GRHL2: variants seen among roughly 807,000 people sequenced by gnomAD.
GRHL2 encodes the protein grainyhead like transcription factor 2.
A neutral mutation model predicts 83.8 loss-of-function variants in GRHL2; 21 were observed. The observed-to-expected ratio is 0.25, with a 90% CI of 0.18 to 0.36. The LOEUF (loss-of-function observed/expected upper bound fraction) is 0.36, where lower values mean the gene tolerates loss of function less well. GRHL2 is among the 10% of genes least tolerant of loss of function. The pLI is 1.00. For synonymous variants in GRHL2, 280 were observed against 278.9 expected (o/e 1.00, Z -0.04); for missense variants, 623 against 781.8 (o/e 0.80, Z 2.42).
chr8:101,539,592 A>G (rs1035214068), intron 1 of GRHL2, among the ~76,000 whole-genome samples: 1 of 152,324 alleles, frequency 6.6e-6, no homozygotes, highest in Non-Finnish European at 1.5e-5. Flanking sequence ...CCAACCCTGC[A>G]TATTTAGAAG....
intron 1 of GRHL2, among the ~76,000 whole-genome samples, chr8:101,525,842 T>C (rs566492129): frequency 2.6e-5 from 4 of 152,244 alleles, no homozygotes; most frequent in African/African-American, 9.6e-5. Context: ...TGGTGGCACA[T>C]GTCTGTAATC....
At chr8:101,597,709 T>C (rs1812420239) in intron 7 of GRHL2, among the ~76,000 whole-genome samples, 1 of 150,808 alleles carries the variant, frequency 6.6e-6, no homozygotes. Context: ...AGGGAGAACA[T>C]TAGGAGATAT....
chr8:101,612,336 A>C (rs573449405), intron 8 of GRHL2, among the ~76,000 whole-genome samples: 1 of 150,904 alleles, frequency 6.6e-6, no homozygotes, highest in South Asian at 2.1e-4. Context: ...TATTCAATTT[A>C]ATATCTAATT....
chr8:101,674,430 C>G (rs953010236), downstream of GRHL2, among the ~76,000 whole-genome samples: 2 of 152,104 alleles, frequency 1.3e-5, no homozygotes, highest in South Asian at 4.2e-4. Context: ...CTACAAACAC[C>G]TCTACGCAAA....
intron 1 of GRHL2, chr8:101,529,594 C>T (rs1278683666): frequency 1.8e-5 from 4 of 224,284 alleles, no homozygotes; most frequent in African/African-American, 9.3e-5. Context: ...TCCAGTAGGC[C>T]CCCACCCACT....
At chr8:101,661,574 A>ATTGT (rs1157330673) in intron 14 of GRHL2, among the ~76,000 whole-genome samples, 3 of 152,116 alleles carry the variant, frequency 2.0e-5, no homozygotes, top group African/African-American at 7.2e-5. Context: ...GTTATACTGT[A>ATTGT]TTGTTTTGAT....
chr8:101,601,742 A>G (rs1812518692), intron 8 of GRHL2, among the ~76,000 whole-genome samples: 1 of 152,266 alleles, frequency 6.6e-6, no homozygotes, highest in South Asian at 2.1e-4. Flanking sequence ...TGGGTTAATC[A>G]ATAAGTAATG....
At chr8:101,542,590 T>C (rs914035186) in intron 1 of GRHL2, among the ~76,000 whole-genome samples, 3 of 152,120 alleles carry the variant, frequency 2.0e-5, no homozygotes, top group South Asian at 4.2e-4. Context: ...ATAAAATTAC[T>C]TGGCCCCTAG....
Position 101,577,505 on chromosome 8 carries a change from G to C in GRHL2, c.989G>C (p.Arg330Thr). 6.2e-7 allele frequency: 1 copy of C among 1,612,486 alleles called. No individual in the cohort carries two copies. Among genetic ancestry groups the C allele is most frequent in the Non-Finnish European group, 8.5e-7 (1 of 1,178,590 alleles). Residue 330 changes from arginine to threonine, a missense_variant, in exon 7 of 16, where the codon AGG becomes ACG. Arg to Thr is a moderately conservative substitution (Grantham distance 71). Around this residue, in one of 8 missense-constraint regions of GRHL2, gnomAD observed 96 missense variants for 144.8 expected, o/e 0.66. Transcript: ENST00000646743. ...WHSRQHTAKQ[R>T]VLDIADYKES... ...TCTCGGCAGCATACGGCGAAGCAGAGGGTCCTTGACATTGGTAAGTTGACC... is the reference window on the plus strand; with the variant it reads ...TCTCGGCAGCATACGGCGAAGCAGACGGTCCTTGACATTGGTAAGTTGACC...
chr8:101,644,020 G>A (rs542735460), intron 12 of GRHL2, 111 bp from the exon 13 acceptor site: 20 of 920,566 alleles, frequency 2.2e-5, no homozygotes, highest in Admixed American at 1.6e-4. Flanking sequence ...ATCCAGTTAC[G>A]GAGCATAGGG....
the GRHL2 span, among the ~76,000 whole-genome samples, chr8:101,680,761 G>T: frequency 2.3e-5 from 3 of 128,602 alleles, no homozygotes; most frequent in South Asian, 8.4e-4. Flanking sequence ...TAGAACTCAG[G>T]ATTAAGAATC....
chr8:101,555,343 G>A (rs565778056), intron 3 of GRHL2, among the ~76,000 whole-genome samples: 79 of 152,050 alleles, frequency 5.2e-4, no homozygotes, highest in African/African-American at 8.9e-4. Context: ...ACACGAGTTC[G>A]GGAAATCCTG....
At chr8:101,508,761 T>A (rs1810390123) in intron 1 of GRHL2, among the ~76,000 whole-genome samples, 1 of 152,116 alleles carries the variant, frequency 6.6e-6, no homozygotes, top group African/African-American at 2.4e-5. Flanking sequence ...CACATAAGCC[T>A]ATTTGACTAT....
At chr8:101,540,749 G>A (rs2130113673) in intron 1 of GRHL2, among the ~76,000 whole-genome samples, 1 of 152,280 alleles carries the variant, frequency 6.6e-6, no homozygotes, top group East Asian at 1.9e-4. Flanking sequence ...ACCATTAGGA[G>A]ATCCCATAGG....
intron 7 of GRHL2, among the ~76,000 whole-genome samples, 162 bp from the exon 8 acceptor site, chr8:101,598,889 AAGTATT>A (rs1157965004): frequency 2.2e-4 from 33 of 152,352 alleles, no homozygotes; most frequent in Admixed American, 5.9e-4. Flanking sequence ...CTTATAGAGT[AAGTATT>A]AGTAAAAGAA....
chr8:101,581,380 A>G (rs1423576838), intron 7 of GRHL2, among the ~76,000 whole-genome samples: 1 of 152,214 alleles, frequency 6.6e-6, no homozygotes, highest in African/African-American at 2.4e-5. Context: ...TTTTCAAAAC[A>G]CATAAGCAAA....
intron 14 of GRHL2, among the ~76,000 whole-genome samples, chr8:101,654,201 G>C (rs1417267943): frequency 6.6e-6 from 1 of 152,196 alleles, no homozygotes; most frequent in Non-Finnish European, 1.5e-5. Flanking sequence ...AAATGTAAAA[G>C]TATGCCTTGT....
chr8:101,612,504 GATAGATAGATAGATAGATACATAC>G (rs1438243619), intron 8 of GRHL2, among the ~76,000 whole-genome samples: 5 of 125,848 alleles, frequency 4.0e-5, no homozygotes, highest in Non-Finnish European at 8.2e-5. Context: ...TAGATAGATA[GATAGATAGATAGATAGATACATAC>G]ATACATACAT....
intron 9 of GRHL2, among the ~76,000 whole-genome samples, chr8:101,624,105 TACAGTACACAGTAGG>T (rs1387922540): frequency 1.4e-4 from 19 of 132,946 alleles, no homozygotes; most frequent in South Asian, 7.4e-4. Context: ...TAGGACAGTT[TACAGTACACAGTAGG>T]ACAGTACACA....
Sources: allele counts gnomAD v4.1 joint callset (sites outside exome capture counted in the v4.1 genomes callset), GRCh38; gene constraint gnomAD v4.1.1; regional missense constraint gnomAD v4.1.1; transcripts MANE v1.5; gene names NCBI Gene and HGNC (gene_info 2026-07-23, HGNC 2026-07-21).